NDUFAF6: variants seen among roughly 807,000 people sequenced by gnomAD.
The protein encoded by NDUFAF6 is NADH dehydrogenase (ubiquinone) complex I, assembly factor 6.
NDUFAF6 carries 45 observed loss-of-function variants against 40.8 expected under a neutral mutation model. The ratio of observed to expected loss-of-function variants is 1.10; its 90% confidence interval spans 0.87 to 1.42. The LOEUF is 1.42. NDUFAF6 is among the 40% of genes most tolerant of loss of function. The pLI, the probability that NDUFAF6 is intolerant of heterozygous loss-of-function variation, is 0.00. For missense variants in NDUFAF6, 435 were observed against 418.5 expected, an observed-to-expected ratio of 1.04 and a Z score of -0.34; for synonymous variants, 185 against 155.9, an observed-to-expected ratio of 1.19 and a Z score of -1.39.
chr8:95,115,560 T>A (rs1810115436), exon 5 of NDUFAF6: 1 of 151,716 alleles, frequency 6.6e-6, no homozygotes. Context: ...TCCAGTTGAC[T>A]CAGCCACACT....
intron 2 of NDUFAF6, among the ~76,000 whole-genome samples, chr8:94,984,919 T>G (rs1272809888): frequency 6.6e-6 from 1 of 152,170 alleles, no homozygotes; most frequent in Non-Finnish European, 1.5e-5. Context: ...GACAGACCTG[T>G]CTGGTTACCT....
At chr8:95,102,321 C>T (rs1475082297) in intron 2 of NDUFAF6, among the ~76,000 whole-genome samples, 2 of 152,184 alleles carry the variant, frequency 1.3e-5, no homozygotes, top group African/African-American at 4.8e-5. Flanking sequence ...TAACTATTAA[C>T]AGGGGGCTGG....
chr8:94,971,615 A>G (rs1824465512), intron 1 of NDUFAF6, among the ~76,000 whole-genome samples: 1 of 151,684 alleles, frequency 6.6e-6, no homozygotes, highest in Non-Finnish European at 1.5e-5. Context: ...GTATTTCTAG[A>G]CTCTTTTATG....
chr8:95,030,526 GCTGGGC>G (rs1828704336), intron 1 of NDUFAF6, among the ~76,000 whole-genome samples: 1 of 152,128 alleles, frequency 6.6e-6, no homozygotes, highest in African/African-American at 2.4e-5. Context: ...GAGCCACCAT[GCTGGGC>G]CCTGTCATTA....
At chr8:95,099,978 G>A (rs1162186143), upstream of NDUFAF6, among the ~76,000 whole-genome samples, 1 of 152,176 alleles carries the variant, frequency 6.6e-6, no homozygotes, top group Non-Finnish European at 1.5e-5. Context: ...GGTGTGTCTA[G>A]GCTCTTTAGT....
chr8:94,959,393 G>A (rs1460848002), intron 1 of NDUFAF6, among the ~76,000 whole-genome samples: 1 of 152,206 alleles, frequency 6.6e-6, no homozygotes, highest in Non-Finnish European at 1.5e-5. Context: ...GTTCTTGGAA[G>A]GGGAAGAGGA....
At chr8:95,066,287 C>CTTTTTTTTT (rs11302193) in intron 9 of NDUFAF6, among the ~76,000 whole-genome samples, 4 of 82,920 alleles carry the variant, frequency 4.8e-5, no homozygotes, top group African/African-American at 1.5e-4. Flanking sequence ...TGCTTGCTTG[C>CTTTTTTTTT]TTTTTTTTTT....
intron 2 of NDUFAF6, among the ~76,000 whole-genome samples, chr8:95,010,441 G>T (rs1194512352): frequency 6.6e-6 from 1 of 152,146 alleles, no homozygotes; most frequent in Non-Finnish European, 1.5e-5. Flanking sequence ...AAAGTGAAGG[G>T]CTTTAATCAG....
At chr8:94,973,460 G>A (rs1824639388) in intron 1 of NDUFAF6, among the ~76,000 whole-genome samples, 1 of 152,192 alleles carries the variant, frequency 6.6e-6, no homozygotes, top group African/African-American at 2.4e-5. Flanking sequence ...TGTAATCCCA[G>A]CACTTTGGGA....
intron 2 of NDUFAF6, among the ~76,000 whole-genome samples, chr8:94,946,992 T>C (rs988201096): frequency 6.6e-6 from 1 of 152,124 alleles, no homozygotes; most frequent in African/African-American, 2.4e-5. Flanking sequence ...TACTTAATAA[T>C]TAGAGCTACA....
chr8:95,102,317 T>G (rs1809676228), intron 2 of NDUFAF6, among the ~76,000 whole-genome samples: 1 of 152,186 alleles, frequency 6.6e-6, no homozygotes, highest in East Asian at 1.9e-4. Context: ...TTATTAACTA[T>G]TAACAGGGGG....
intron 1 of NDUFAF6, among the ~76,000 whole-genome samples, chr8:94,904,320 CTT>C (rs57749627): frequency 8.5e-4 from 29 of 34,136 alleles, no homozygotes; most frequent in East Asian, 1.2e-3. Flanking sequence ...ATTTTTTTTG[CTT>C]TTTTTTTTTT....
chr8:95,010,525 A>G (rs1026935231), intron 2 of NDUFAF6, among the ~76,000 whole-genome samples: 4 of 152,228 alleles, frequency 2.6e-5, no homozygotes, highest in African/African-American at 7.2e-5. Context: ...TACTGTAGCA[A>G]TATTTATAGG....
At chr8:94,981,120 G>T (rs187641008) in intron 2 of NDUFAF6, 127 of 385,542 alleles carry the variant, frequency 3.3e-4, no homozygotes, top group African/African-American at 2.4e-3. Context: ...TTGGGAGGTG[G>T]TGCCTTTAAG....
chr8:94,961,291 T>C (rs1823547315), intron 1 of NDUFAF6, among the ~76,000 whole-genome samples: 1 of 152,258 alleles, frequency 6.6e-6, no homozygotes, highest in Admixed American at 6.5e-5. Context: ...CTTTCATTCA[T>C]TCAATAAGAA....
intron 1 of NDUFAF6, chr8:94,939,957 G>T (rs763535290): frequency 6.2e-7 from 1 of 1,614,186 alleles, no homozygotes. Flanking sequence ...ATGCTGGGAT[G>T]TTCAATGAGA....
intron 9 of NDUFAF6, among the ~76,000 whole-genome samples, chr8:95,065,424 T>G (rs556300359): frequency 2.6e-5 from 4 of 152,342 alleles, no homozygotes; most frequent in African/African-American, 9.6e-5. Flanking sequence ...CTATTAACGT[T>G]TTGGTCTATG....
intron 2 of NDUFAF6, among the ~76,000 whole-genome samples, chr8:95,000,069 G>A (rs1445297147): frequency 6.6e-6 from 1 of 151,546 alleles, no homozygotes; most frequent in Non-Finnish European, 1.5e-5. Flanking sequence ...AAGAAGCTTA[G>A]CTGGGTGCGG....
At chr8:95,113,930 C>A (rs1222230452) in intron 4 of NDUFAF6, among the ~76,000 whole-genome samples, 1 of 148,196 alleles carries the variant, frequency 6.7e-6, no homozygotes, top group African/African-American at 2.5e-5. Context: ...ACCGCATATT[C>A]TCACTCACAG....
Sources: gnomAD v4.1 joint callset for allele counts (sites outside exome capture counted in the v4.1 genomes callset) on GRCh38, gnomAD v4.1.1 for gene constraint, MANE v1.5 for transcripts, NCBI Gene and HGNC (gene_info 2026-07-23, HGNC 2026-07-21) for gene names.